Variants in GNAO1 observed in about 807,000 individuals in gnomAD.
GNAO1 encodes the protein guanine nucleotide-binding protein G(o) subunit alpha.
For synonymous variants in GNAO1, 164 were observed against 180.7 expected (o/e 0.91, Z 0.74); for missense variants, 166 against 478.7 (o/e 0.35, Z 6.10).
At chr16:56,312,664 A>G (rs2037472253) in intron 3 of GNAO1, among the ~76,000 whole-genome samples, 1 of 152,248 alleles carries the variant, frequency 6.6e-6, no homozygotes, top group South Asian at 2.1e-4. Context: ...CGAAAGGCCC[A>G]TTCTCACCCA....
intron 3 of GNAO1, among the ~76,000 whole-genome samples, chr16:56,324,783 C>T (rs548542251): frequency 6.6e-6 from 1 of 152,376 alleles, no homozygotes; most frequent in East Asian, 1.9e-4. Flanking sequence ...GATGCTGGGT[C>T]AGGTCAGCAT....
rs11306838 is a variant in GNAO1, at chr16:56,221,651, CAA to C, written c.161+29057_161+29058del. ...TGGGTGACAAAAGGAGACTGCATCT[CAA>C]AAAAAAAAAAAAAAAAAAAAACATG... On this transcript the variant is annotated intron_variant, in intron 2 of 8. Coordinates refer to ENST00000262493, the MANE Select transcript of GNAO1 (RefSeq NM_020988.3). Among the ~76,000 whole-genome samples, 317 of 83,868 alleles carry C rather than the reference CAA, an allele frequency of 3.8e-3. 1 individual carries two copies. Among genetic ancestry groups the C allele is most frequent in the East Asian group, 0.03 (85 of 2,878 alleles). The allele number at this position is 83,868 out of a possible 152,430, so 55.0% of individuals were successfully genotyped here.
At chr16:56,216,661 G>T (rs1339729682) in intron 2 of GNAO1, among the ~76,000 whole-genome samples, 17 of 152,246 alleles carry the variant, frequency 1.1e-4, no homozygotes, top group Non-Finnish European at 2.9e-5. Flanking sequence ...TATAATGGAT[G>T]TGAAAGTCTC....
chr16:56,318,437 T>G (rs2037536461), intron 3 of GNAO1, among the ~76,000 whole-genome samples: 1 of 152,222 alleles, frequency 6.6e-6, no homozygotes, highest in African/African-American at 2.4e-5. Context: ...ATGCCTGGTC[T>G]CTGGCTCGGC....
At position 56,336,513 on chromosome 16, in the gene GNAO1, G is replaced by C. The variant is rs532557687; in HGVS notation, c.594-218G>C. ...CTTTGAGTCATGATCTGTGAGCACAGCCAGTCCCAGGACAGACTCCAGGGG... is the reference window on the plus strand; with the variant it reads ...CTTTGAGTCATGATCTGTGAGCACACCCAGTCCCAGGACAGACTCCAGGGG... On this transcript the variant is annotated intron_variant, in intron 5 of 8. Coordinates refer to ENST00000262493, the MANE Select transcript of GNAO1 (RefSeq NM_020988.3). 9 of 509,006 alleles carry C rather than the reference G, an allele frequency of 1.8e-5. No homozygotes were observed. The Admixed American group carries it at 2.4e-4, about 14-fold the overall frequency. 31.5% of individuals were successfully genotyped at this position (509,006 alleles called of 1,614,324 possible).
chr16:56,340,565 T>G (rs1377092123), intron 6 of GNAO1: 14 of 436,144 alleles, frequency 3.2e-5, no homozygotes, highest in Admixed American at 7.1e-5. Context: ...TGCCCCCACC[T>G]GGGGCCAGCT....
chr16:56,283,047 A>G lies in GNAO1; in HGVS notation c.303+6975A>G, dbSNP rs2037129434. 2.0e-5 allele frequency among the ~76,000 whole-genome samples: 3 copies of G among 152,232 alleles called. No individual in the cohort carries two copies. The South Asian group carries it at 6.2e-4, about 32-fold the overall frequency. ...TCTGGTGGGGGTCCAGGTTTCTGAA[A>G]AACAACTCAGGGACATATGTTAAGA... is the stretch of plus-strand genomic sequence containing the variant. On this transcript the variant is annotated intron_variant, in intron 3 of 8. Coordinates refer to ENST00000262493, the MANE Select transcript of GNAO1 (RefSeq NM_020988.3).
intron 3 of GNAO1, among the ~76,000 whole-genome samples, chr16:56,304,739 A>G (rs1219906267): frequency 6.6e-6 from 1 of 152,250 alleles, no homozygotes; most frequent in East Asian, 1.9e-4. Flanking sequence ...CCTCCACCCC[A>G]GAAGACAGCC....
chr16:56,287,690 T>C (rs554427477), intron 3 of GNAO1, among the ~76,000 whole-genome samples: 6 of 152,044 alleles, frequency 3.9e-5, no homozygotes, highest in Admixed American at 3.9e-4. Flanking sequence ...GTCAAAGAGG[T>C]GGTGTCATCC....
Position 56,351,256 on chromosome 16 carries a change from C to T in GNAO1, c.724-128C>T. ...TGTAACTGACTCAGGTTCCATCTGG[C>T]AGCCTCTCGGAGGAGCTGCCGAGTA... On this transcript the variant is annotated intron_variant, in intron 6 of 8. Transcript: ENST00000262493. The surrounding 1 kb of genome is among the most constrained non-coding windows in gnomAD (Gnocchi z 6.1). 3.2e-6 allele frequency: 2 copies of T among 632,602 alleles called. No homozygotes were observed. Among genetic ancestry groups the T allele is most frequent in the East Asian group, 2.7e-5 (1 of 36,556 alleles). The allele number at this position is 632,602 out of a possible 1,614,324, so 39.2% of individuals were successfully genotyped here.
chr16:56,284,008 T>C (rs969610455), intron 3 of GNAO1, among the ~76,000 whole-genome samples: 1 of 152,220 alleles, frequency 6.6e-6, no homozygotes, highest in Non-Finnish European at 1.5e-5. Flanking sequence ...GCATCACAGC[T>C]CAGTCCTCTT....
chr16:56,315,282 C>T lies in GNAO1; in HGVS notation c.304-13349C>T, dbSNP rs150222445. Among the ~76,000 whole-genome samples, 769 of 152,304 alleles carry T rather than the reference C, an allele frequency of 5.0e-3. 6 individuals are homozygous for T. The highest frequency in any genetic ancestry group is 0.018 in the African/African-American group (734 of 41,562). The stretch of plus-strand genomic sequence containing the variant: ...ACTTCGTGTTCTGAAGAGATGAGGT[C>T]GGCCATTATCATTTTTCCTTCCCTT... On this transcript the variant is annotated intron_variant, in intron 3 of 8. Coordinates refer to ENST00000262493, the MANE Select transcript of GNAO1 (RefSeq NM_020988.3).
intron 2 of GNAO1, among the ~76,000 whole-genome samples, chr16:56,199,912 GC>G (rs1274593486): frequency 6.6e-6 from 1 of 152,186 alleles, no homozygotes; most frequent in African/African-American, 2.4e-5. Flanking sequence ...AATAGTTGGT[GC>G]CCTGAATTTG....
chr16:56,330,401 G>A (rs1302426746), intron 4 of GNAO1, among the ~76,000 whole-genome samples: 2 of 152,180 alleles, frequency 1.3e-5, no homozygotes, highest in East Asian at 1.9e-4. Context: ...GCCCAAATCT[G>A]TCTTCTAGTG....
At chr16:56,255,739 T>C (rs901069011) in intron 2 of GNAO1, 5 of 152,190 alleles carry the variant, frequency 3.3e-5, no homozygotes, top group African/African-American at 1.2e-4. Context: ...TTTGTTTTTC[T>C]ACTTCTAGAA....
chr16:56,231,240 C>A (rs2036586297), intron 2 of GNAO1, among the ~76,000 whole-genome samples: 1 of 152,178 alleles, frequency 6.6e-6, no homozygotes, highest in African/African-American at 2.4e-5. Context: ...CCTCCCAGCC[C>A]TCTGAAATCC....
intron 2 of GNAO1, among the ~76,000 whole-genome samples, chr16:56,273,068 C>T (rs1483335510): frequency 3.3e-5 from 5 of 152,206 alleles, no homozygotes; most frequent in Non-Finnish European, 2.9e-5. Context: ...TGACTTATTA[C>T]ACTTTACTTT....
chr16:56,225,818 G>A (rs1041945245), intron 2 of GNAO1, among the ~76,000 whole-genome samples: 80 of 152,128 alleles, frequency 5.3e-4, no homozygotes, highest in African/African-American at 1.8e-3. Flanking sequence ...AAATGAGATC[G>A]TTGCCAGCAC....
intron 3 of GNAO1, among the ~76,000 whole-genome samples, chr16:56,323,967 G>C (rs1219600206): frequency 6.6e-6 from 1 of 152,138 alleles, no homozygotes; most frequent in East Asian, 1.9e-4. Flanking sequence ...CAGGTCTCCT[G>C]GTCTTTGAAT....
Sources: allele counts gnomAD v4.1 joint callset (sites outside exome capture counted in the v4.1 genomes callset), GRCh38; gene constraint gnomAD v4.1.1; non-coding constraint Gnocchi (gnomAD v3.1); transcripts MANE v1.5; gene names NCBI Gene and HGNC (gene_info 2026-07-23, HGNC 2026-07-21).